Variants in GPC5 observed in about 807,000 individuals in gnomAD.
GPC5 encodes the protein glypican 5, also known as glypican-5.
Under a neutral mutation model 53.9 loss-of-function variants are expected in GPC5, and 47 were observed. The observed-to-expected ratio is 0.87, with a 90% CI of 0.69 to 1.11. The LOEUF (loss-of-function observed/expected upper bound fraction) is 1.11. Ranked by LOEUF, GPC5 falls within the 50% of genes most tolerant of loss-of-function variation. GPC5 has a pLI of 0.00. For missense variants in GPC5, 748 were observed against 713.1 expected (o/e 1.05, Z -0.56); for synonymous variants, 286 against 263.3 (o/e 1.09, Z -0.84).
chr13:91,997,517 TTTTG>T (rs10690281), intron 6 of GPC5, among the ~76,000 whole-genome samples: 1 of 151,998 alleles, frequency 6.6e-6, no homozygotes, highest in Non-Finnish European at 1.5e-5. Flanking sequence ...TCCTCTTGGT[TTTTG>T]TTTGTTTGTT....
At chr13:92,738,208 G>A (rs1012297591) in intron 7 of GPC5, among the ~76,000 whole-genome samples, 9 of 151,978 alleles carry the variant, frequency 5.9e-5, no homozygotes, top group Admixed American at 4.6e-4. Context: ...CTCTTTGACA[G>A]TTTTTACCAT....
intron 2 of GPC5, among the ~76,000 whole-genome samples, chr13:91,517,002 C>T (rs948993758): frequency 6.6e-6 from 1 of 152,094 alleles, no homozygotes; most frequent in South Asian, 2.1e-4. Context: ...CATGGGGACC[C>T]TGGATCTGGC....
intron 6 of GPC5, among the ~76,000 whole-genome samples, chr13:92,019,944 T>C (rs995690134): frequency 6.6e-6 from 1 of 152,098 alleles, no homozygotes; most frequent in Non-Finnish European, 1.5e-5. Flanking sequence ...ATTCTGGAGA[T>C]TGGAAGTTTG....
intron 5 of GPC5, among the ~76,000 whole-genome samples, chr13:91,868,658 C>A (rs1351041165): frequency 6.6e-6 from 1 of 152,096 alleles, no homozygotes; most frequent in Non-Finnish European, 1.5e-5. Context: ...TGAACTGTGA[C>A]TGTGCCACTG....
chr13:92,866,523 C>T lies in GPC5; in HGVS notation c.*84C>T. ...ATGCCTGGAATAAGAGATCCTTTTTCAATGTAACAATTATATTTATGAAAA... is the reference window on the plus strand; with the variant it reads ...ATGCCTGGAATAAGAGATCCTTTTTTAATGTAACAATTATATTTATGAAAA... On this transcript the variant is annotated 3_prime_UTR_variant, in exon 8 of 8. Coordinates refer to ENST00000377067, the MANE Select transcript of GPC5 (RefSeq NM_004466.6). 1.9e-6 allele frequency: 2 copies of T among 1,070,406 alleles called. No individual in the cohort carries two copies. Among genetic ancestry groups the T allele is most frequent in the Non-Finnish European group, 2.6e-6 (2 of 779,022 alleles). The allele number at this position is 1,070,406 out of a possible 1,614,324, so 66.3% of individuals were successfully genotyped here. A position where few individuals can be genotyped will look rare whatever the true frequency, so the allele number is the denominator to read the frequency against.
At chr13:92,694,610 C>T (rs73623498) in intron 7 of GPC5, among the ~76,000 whole-genome samples, 1 of 152,172 alleles carries the variant, frequency 6.6e-6, no homozygotes, top group Non-Finnish European at 1.5e-5. Flanking sequence ...AGAATATTTA[C>T]CCGGTGCCTG....
rs113518793 is a variant in GPC5 at position 92,295,802 on chromosome 13, G to T, written c.1561+150813G>T. 3.0e-3 allele frequency among the ~76,000 whole-genome samples: 455 copies of T among 152,154 alleles called. 2 individuals carry two copies. Among genetic ancestry groups the T allele is most frequent in the Non-Finnish European group, 5.8e-3 (392 of 67,990 alleles). ...TCCTGCTCATTTTTGGTGTCCATTTGCCTGAAATGTCTTTTTCTACCCCCT... is the reference window on the plus strand; with the variant it reads ...TCCTGCTCATTTTTGGTGTCCATTTTCCTGAAATGTCTTTTTCTACCCCCT... On this transcript the variant is annotated intron_variant, in intron 7 of 7. Transcript: ENST00000377067.
intron 7 of GPC5, among the ~76,000 whole-genome samples, chr13:92,743,581 T>G: frequency 6.6e-6 from 1 of 152,146 alleles, no homozygotes; most frequent in East Asian, 1.9e-4. Flanking sequence ...CTTTATTTCT[T>G]TCTCCTGCCT....
At chr13:91,888,242 C>T (rs923218435) in intron 5 of GPC5, among the ~76,000 whole-genome samples, 5 of 152,060 alleles carry the variant, frequency 3.3e-5, no homozygotes, top group Non-Finnish European at 5.9e-5. Context: ...GAAACTTATT[C>T]ACGATCACAA....
chr13:92,519,813 C>A (rs1489522074), intron 7 of GPC5, among the ~76,000 whole-genome samples: 1 of 152,200 alleles, frequency 6.6e-6, no homozygotes, highest in Admixed American at 6.5e-5. Context: ...ACACAAAAAA[C>A]CCTTCAAAAA....
At chr13:91,478,669 C>T (rs1481270117) in intron 2 of GPC5, among the ~76,000 whole-genome samples, 1 of 149,876 alleles carries the variant, frequency 6.7e-6, no homozygotes, top group African/African-American at 2.4e-5. Context: ...GTAATCAGTG[C>T]ATATATGATG....
At chr13:92,139,422 C>A (rs951454496) in intron 6 of GPC5, among the ~76,000 whole-genome samples, 1 of 152,086 alleles carries the variant, frequency 6.6e-6, no homozygotes, top group South Asian at 2.1e-4. Flanking sequence ...AATCCCAGCA[C>A]TTTGGGAGGC....
intron 7 of GPC5, among the ~76,000 whole-genome samples, chr13:92,197,094 C>T (rs1000433681): frequency 6.6e-6 from 1 of 152,102 alleles, no homozygotes; most frequent in Non-Finnish European, 1.5e-5. Flanking sequence ...ACAAAGTCTC[C>T]GCTCCTGCGA....
intron 7 of GPC5, among the ~76,000 whole-genome samples, chr13:92,496,940 C>T (rs1016895426): frequency 6.6e-6 from 1 of 152,084 alleles, no homozygotes; most frequent in Non-Finnish European, 1.5e-5. Context: ...CAGAGTGAGA[C>T]AAGTTTTAAG....
chr13:92,193,975 A>C (rs1413414504), intron 7 of GPC5, among the ~76,000 whole-genome samples: 3 of 152,216 alleles, frequency 2.0e-5, no homozygotes, highest in Non-Finnish European at 4.4e-5. Context: ...TTGAATCTGC[A>C]GTGTTTAGTA....
At chr13:91,400,210 G>A (rs1278279301) in intron 1 of GPC5, among the ~76,000 whole-genome samples, 1 of 152,204 alleles carries the variant, frequency 6.6e-6, no homozygotes, top group Non-Finnish European at 1.5e-5. Context: ...AACTTGTGGA[G>A]GACGCTTAAG....
chr13:91,810,429 A>T (rs1292395774), intron 5 of GPC5, among the ~76,000 whole-genome samples: 1 of 151,996 alleles, frequency 6.6e-6, no homozygotes, highest in Non-Finnish European at 1.5e-5. Context: ...TTAAAGTCCA[A>T]TCTGAATGCA....
At chr13:91,586,267 C>T (rs1280816978) in intron 2 of GPC5, among the ~76,000 whole-genome samples, 1 of 149,948 alleles carries the variant, frequency 6.7e-6, no homozygotes, top group Non-Finnish European at 1.5e-5. Flanking sequence ...ATTAACTTCT[C>T]ACTTCCCTAG....
chr13:92,117,581 G>A (rs1056997843), intron 6 of GPC5, among the ~76,000 whole-genome samples: 35 of 152,078 alleles, frequency 2.3e-4, no homozygotes, highest in Non-Finnish European at 4.0e-4. Context: ...GGGAAGAATC[G>A]ACATCTCAAG....
Sources: gnomAD v4.1 joint callset for allele counts (sites outside exome capture counted in the v4.1 genomes callset) on GRCh38, gnomAD v4.1.1 for gene constraint, MANE v1.5 for transcripts, NCBI Gene and HGNC (gene_info 2026-07-23, HGNC 2026-07-21) for gene names.